The following MEI4 variants were observed in gnomAD, a reference collection of about 807,000 sequenced individuals.
MEI4 encodes the protein meiotic double-stranded break formation protein 4, also known as meiosis-specific protein MEI4.
Under a neutral mutation model 31.4 loss-of-function variants are expected in MEI4, and 27 were observed. The observed-to-expected ratio is 0.86, with a 90% CI of 0.63 to 1.19. The LOEUF is 1.19. MEI4 is among the 50% of genes most tolerant of loss of function. The pLI is 0.00. For missense variants in MEI4, 329 were observed against 398.9 expected (o/e 0.82, Z 1.49); for synonymous variants, 122 against 145.4 (o/e 0.84, Z 1.16).
At chr6:77,802,255 G>C (rs905142559) in intron 3 of MEI4, among the ~76,000 whole-genome samples, 4 of 152,068 alleles carry the variant, frequency 2.6e-5, no homozygotes, top group Non-Finnish European at 4.4e-5. Flanking sequence ...GATCTTTGTT[G>C]GTTTAAAGTC....
intron 2 of MEI4, among the ~76,000 whole-genome samples, chr6:77,752,505 A>G (rs1380627675): frequency 2.6e-5 from 4 of 152,224 alleles, no homozygotes; most frequent in Admixed American, 1.3e-4. Flanking sequence ...ACTCCCATTC[A>G]CAATTGCTAC....
chr6:77,799,574 T>C (rs1769186415), intron 3 of MEI4, among the ~76,000 whole-genome samples: 1 of 152,216 alleles, frequency 6.6e-6, no homozygotes, highest in South Asian at 2.1e-4. Context: ...TGCCCATGCC[T>C]ATGTCCTGAA....
Position 77,874,212 on chromosome 6 carries a change from C to T in MEI4, c.900+45150C>T, listed in dbSNP as rs139463467. Among the ~76,000 whole-genome samples, 1,328 of 152,282 alleles carry T rather than the reference C, an allele frequency of 8.7e-3. 6 individuals are homozygous for T. The highest frequency in any genetic ancestry group is 0.017 in the Middle Eastern group (5 of 294). ...ACCTTGGGCAATATGGCCATTTTCA[C>T]AATATTGATTCTTCCTACCCATGAG... is the stretch of plus-strand genomic sequence containing the variant. On this transcript the variant is annotated intron_variant, in intron 4 of 4. Transcript: ENST00000684080.
chr6:77,677,947 G>C (rs1356917265), intron 1 of MEI4, among the ~76,000 whole-genome samples: 2 of 152,212 alleles, frequency 1.3e-5, no homozygotes, highest in East Asian at 3.9e-4. Flanking sequence ...TAACTGAAAG[G>C]ACAATTAGAC....
intron 4 of MEI4, among the ~76,000 whole-genome samples, chr6:77,918,218 T>A (rs1766613196): frequency 6.6e-6 from 1 of 152,072 alleles, no homozygotes; most frequent in Admixed American, 6.6e-5. Flanking sequence ...TCCAGCTTTG[T>A]TCTTTTGGCT....
intron 4 of MEI4, among the ~76,000 whole-genome samples, chr6:77,846,465 T>A (rs1770489752): frequency 6.6e-6 from 1 of 152,198 alleles, no homozygotes; most frequent in South Asian, 2.1e-4. Context: ...TTTCAGAGCT[T>A]TGCCCTGCTT....
intron 2 of MEI4, among the ~76,000 whole-genome samples, chr6:77,713,437 A>C (rs543771075): frequency 6.6e-6 from 1 of 152,292 alleles, no homozygotes; most frequent in South Asian, 2.1e-4. Flanking sequence ...TAAACAACTG[A>C]ATCTAGCTGT....
intron 4 of MEI4, among the ~76,000 whole-genome samples, chr6:77,866,629 A>G (rs1462144709): frequency 6.6e-6 from 1 of 152,224 alleles, no homozygotes; most frequent in East Asian, 1.9e-4. Flanking sequence ...AAGAATCAAT[A>G]TTGTGAAAAT....
chr6:77,889,389 G>T (rs767985310), intron 4 of MEI4, among the ~76,000 whole-genome samples: 30 of 152,100 alleles, frequency 2.0e-4, no homozygotes, highest in Non-Finnish European at 3.2e-4. Context: ...GAGCAAAGGT[G>T]AATCTTGCTA....
At chr6:77,762,269 A>C (rs935729367) in intron 3 of MEI4, among the ~76,000 whole-genome samples, 11 of 152,112 alleles carry the variant, frequency 7.2e-5, no homozygotes, top group African/African-American at 1.2e-4. Flanking sequence ...TTATTTCCTT[A>C]CTTATTTATT....
rs139883208 is a variant in MEI4, at chr6:77,860,707, G to A, written c.900+31645G>A. Among the ~76,000 whole-genome samples the A allele has an allele frequency of 3.2e-3, 492 of 152,020 alleles. 2 individuals carry two copies. The highest frequency in any genetic ancestry group is 0.012 in the African/African-American group (481 of 41,454). On this transcript the variant is annotated intron_variant, in intron 4 of 4. Coordinates refer to ENST00000684080, the MANE Select transcript of MEI4 (RefSeq NM_001322247.2). ...TATGTATATATAGTACATGTATATT[G>A]AATATCAGTGTCTCCAAAATACAAC...
chr6:77,811,121 A>G (rs921475015), intron 3 of MEI4, among the ~76,000 whole-genome samples: 1 of 152,196 alleles, frequency 6.6e-6, no homozygotes, highest in Admixed American at 6.5e-5. Flanking sequence ...CCAGTATTAG[A>G]AAACAAATAT....
chr6:77,716,398 G>C (rs184037859), intron 2 of MEI4, among the ~76,000 whole-genome samples: 29 of 152,110 alleles, frequency 1.9e-4, no homozygotes, highest in Admixed American at 3.3e-4. Flanking sequence ...TCTCAAACTT[G>C]GCTGCACATT....
chr6:77,711,981 GT>G (rs1766476120), intron 2 of MEI4, among the ~76,000 whole-genome samples: 1 of 152,136 alleles, frequency 6.6e-6, no homozygotes, highest in Admixed American at 6.5e-5. Context: ...CCCATGATTA[GT>G]TAAAATGCCT....
At chr6:77,744,135 T>C (rs868414273) in intron 2 of MEI4, among the ~76,000 whole-genome samples, 59 of 151,630 alleles carry the variant, frequency 3.9e-4, no homozygotes, top group African/African-American at 1.2e-3. Flanking sequence ...CTTTGACGAG[T>C]TGAGAGAAGA....
intron 1 of MEI4, among the ~76,000 whole-genome samples, chr6:77,673,549 G>A (rs1768785981): frequency 6.6e-6 from 1 of 152,130 alleles, no homozygotes; most frequent in South Asian, 2.1e-4. Flanking sequence ...ATCGACTTAT[G>A]CACACCCTCT....
chr6:77,766,443 T>G (rs189668217), intron 3 of MEI4, among the ~76,000 whole-genome samples: 1 of 152,164 alleles, frequency 6.6e-6, no homozygotes, highest in Non-Finnish European at 1.5e-5. Context: ...AGACGGAGTC[T>G]CTCTCTGTTG....
intron 1 of MEI4, among the ~76,000 whole-genome samples, chr6:77,655,941 A>G (rs2127640627): frequency 6.6e-6 from 1 of 152,296 alleles, no homozygotes; most frequent in South Asian, 2.1e-4. Context: ...AAATGTTCTG[A>G]AGTAGGTTCT....
intron 2 of MEI4, among the ~76,000 whole-genome samples, chr6:77,741,734 G>C (rs567217782): frequency 4.7e-5 from 7 of 150,098 alleles, no homozygotes; most frequent in Non-Finnish European, 1.0e-4. Context: ...TCGTCATTTA[G>C]CATTAGGCAT....
Sources: allele counts gnomAD v4.1 joint callset (sites outside exome capture counted in the v4.1 genomes callset), GRCh38; gene constraint gnomAD v4.1.1; transcripts MANE v1.5; gene names NCBI Gene and HGNC (gene_info 2026-07-23, HGNC 2026-07-21).